CCDC148: variants seen among roughly 807,000 people sequenced by gnomAD.
CCDC148 encodes the protein coiled-coil domain-containing protein 148.
CCDC148 carries 89 observed loss-of-function variants against 85.7 expected under a neutral mutation model. The ratio of observed to expected loss-of-function variants is 1.04; its 90% CI spans 0.87 to 1.24. The LOEUF (loss-of-function observed/expected upper bound fraction) is 1.24. Ranked by LOEUF, CCDC148 falls within the 50% of genes most tolerant of loss-of-function variation. The pLI is 0.00. For missense variants in CCDC148, 692 were observed against 671.7 expected (o/e 1.03, Z -0.33); for synonymous variants, 230 against 213.9 (o/e 1.08, Z -0.66).
chr2:158,353,370 G>T (rs963234739), intron 2 of CCDC148, among the ~76,000 whole-genome samples: 1 of 150,486 alleles, frequency 6.6e-6, no homozygotes, highest in African/African-American at 2.5e-5. Context: ...GAAAATAAAA[G>T]GATGGAGGAA....
chr2:158,271,653 C>A (rs1013277696), intron 9 of CCDC148, among the ~76,000 whole-genome samples: 2 of 152,096 alleles, frequency 1.3e-5, no homozygotes, highest in Non-Finnish European at 2.9e-5. Context: ...TATTATTATT[C>A]TTGTTCAGCT....
At chr2:158,297,462 C>T (rs1297914702) in intron 9 of CCDC148, among the ~76,000 whole-genome samples, 3 of 152,086 alleles carry the variant, frequency 2.0e-5, no homozygotes, top group Non-Finnish European at 4.4e-5. Flanking sequence ...ATAGTGTGTG[C>T]CTGCAAGATC....
Position 158,220,479 on chromosome 2 carries a change from T to C in CCDC148, c.1370+116A>G, listed in dbSNP as rs1273563553. 4 of 676,188 alleles carry C rather than the reference T, an allele frequency of 5.9e-6. No individual in the cohort carries two copies. The East Asian group carries it at 1.1e-4, about 18-fold the overall frequency. 41.9% of individuals were successfully genotyped at this position (676,188 alleles called of 1,614,324 possible). A position where few individuals can be genotyped will look rare whatever the true frequency, so the allele number is the denominator to read the frequency against. ...TTGTATTCATTTGTGAATATAAATA[T>C]TGAAAGGATACATTAAGTATAGAAA... is the stretch of plus-strand genomic sequence containing the variant. On this transcript the variant is annotated intron_variant, in intron 11 of 13. Coordinates refer to ENST00000283233, the MANE Select transcript of CCDC148 (RefSeq NM_138803.4).
chr2:158,176,096 C>A (rs1475789627), intron 13 of CCDC148, among the ~76,000 whole-genome samples: 1 of 151,976 alleles, frequency 6.6e-6, no homozygotes, highest in African/African-American at 2.4e-5. Flanking sequence ...TGTTCATTTT[C>A]ATTTCTAAAA....
At chr2:158,210,085 C>T (rs1474439060) in intron 11 of CCDC148, among the ~76,000 whole-genome samples, 2 of 152,058 alleles carry the variant, frequency 1.3e-5, no homozygotes, top group Non-Finnish European at 2.9e-5. Flanking sequence ...TGCAAAGACA[C>T]ACATAGGCTC....
intron 8 of CCDC148, among the ~76,000 whole-genome samples, chr2:158,310,809 G>T (rs1472203973): frequency 6.6e-6 from 1 of 150,398 alleles, no homozygotes; most frequent in African/African-American, 2.5e-5. Context: ...TAGGCGGCCA[G>T]GCAGAGACGC....
chr2:158,361,074 A>C (rs1425149414), intron 1 of CCDC148, among the ~76,000 whole-genome samples: 1 of 151,948 alleles, frequency 6.6e-6, no homozygotes, highest in Non-Finnish European at 1.5e-5. Context: ...AAAGGATATC[A>C]GAGATTAAAT....
At chr2:158,419,052 A>G (rs545985116) in intron 1 of CCDC148, among the ~76,000 whole-genome samples, 1 of 152,292 alleles carries the variant, frequency 6.6e-6, no homozygotes, top group South Asian at 2.1e-4. Context: ...TGCCAGGAGT[A>G]GCATTAGGTT....
intron 11 of CCDC148, among the ~76,000 whole-genome samples, chr2:158,219,051 C>T (rs1411110294): frequency 6.6e-6 from 1 of 152,140 alleles, no homozygotes; most frequent in African/African-American, 2.4e-5. Flanking sequence ...AAGTGAATCT[C>T]ATTGTATCAA....
At chr2:158,193,200 T>G (rs1685500743) in intron 11 of CCDC148, among the ~76,000 whole-genome samples, 1 of 152,142 alleles carries the variant, frequency 6.6e-6, no homozygotes, top group African/African-American at 2.4e-5. Context: ...TTGTATCAGT[T>G]TAGCCAGGCA....
intron 1 of CCDC148, among the ~76,000 whole-genome samples, chr2:158,437,033 A>T (rs1687690120): frequency 6.6e-6 from 1 of 152,204 alleles, no homozygotes; most frequent in Non-Finnish European, 1.5e-5. Flanking sequence ...TTCACAGACA[A>T]ATTCTAGCAG....
At chr2:158,440,436 G>C (rs1465816745) in intron 1 of CCDC148, among the ~76,000 whole-genome samples, 1 of 152,062 alleles carries the variant, frequency 6.6e-6, no homozygotes. Context: ...CCCATCAACA[G>C]GTAGATGAAT....
chr2:158,203,937 A>G (rs1216600093), intron 11 of CCDC148, among the ~76,000 whole-genome samples: 1 of 152,170 alleles, frequency 6.6e-6, no homozygotes, highest in Non-Finnish European at 1.5e-5. Context: ...TCCTTTGTTT[A>G]GAATAAAAAG....
chr2:158,341,718 G>A (rs765258874), intron 3 of CCDC148, among the ~76,000 whole-genome samples: 3 of 151,834 alleles, frequency 2.0e-5, no homozygotes, highest in Non-Finnish European at 4.4e-5. Flanking sequence ...TGGCAGATTC[G>A]ATTAAATCAT....
At chr2:158,410,502 A>G (rs1235880533) in intron 1 of CCDC148, among the ~76,000 whole-genome samples, 1 of 151,836 alleles carries the variant, frequency 6.6e-6, no homozygotes, top group Non-Finnish European at 1.5e-5. Context: ...TCCTTCTCTC[A>G]TATCTTTTGT....
At chr2:158,272,281 A>T (rs1689732330) in intron 9 of CCDC148, among the ~76,000 whole-genome samples, 1 of 152,148 alleles carries the variant, frequency 6.6e-6, no homozygotes, top group Non-Finnish European at 1.5e-5. Flanking sequence ...AGCATGTGCT[A>T]GAGGTAGAGA....
At chr2:158,213,366 G>A (rs1686679547) in intron 11 of CCDC148, among the ~76,000 whole-genome samples, 1 of 152,002 alleles carries the variant, frequency 6.6e-6, no homozygotes, top group Admixed American at 6.6e-5. Flanking sequence ...GCACAAAGGA[G>A]GTAAAATGAG....
At chr2:158,359,974 T>C (rs1159516194) in intron 1 of CCDC148, among the ~76,000 whole-genome samples, 3 of 152,166 alleles carry the variant, frequency 2.0e-5, no homozygotes, top group East Asian at 1.9e-4. Context: ...CCAGGAATGA[T>C]TGAGCTTTTG....
chr2:158,226,918 C>G (rs985710581), intron 10 of CCDC148, among the ~76,000 whole-genome samples: 2 of 152,128 alleles, frequency 1.3e-5, no homozygotes, highest in Admixed American at 6.5e-5. Context: ...CCCTCTCTCA[C>G]CACTCCTATT....
Sources: gnomAD v4.1 joint callset for allele counts (sites outside exome capture counted in the v4.1 genomes callset) on GRCh38, gnomAD v4.1.1 for gene constraint, MANE v1.5 for transcripts, NCBI Gene and HGNC (gene_info 2026-07-23, HGNC 2026-07-21) for gene names.